KAZN: variants seen among roughly 807,000 people sequenced by gnomAD.
KAZN encodes the protein kazrin.
Under a neutral mutation model 87.4 loss-of-function variants are expected in KAZN, and 40 were observed. That is an observed-to-expected ratio of 0.46 (90% CI 0.36 to 0.60). The LOEUF (loss-of-function observed/expected upper bound fraction) is 0.60, where lower values mean the gene tolerates loss of function less well. KAZN is among the 20% of genes least tolerant of loss of function. The pLI is 0.00. For synonymous variants in KAZN, 466 were observed against 458.3 expected (o/e 1.02, Z -0.22); for missense variants, 898 against 1,073.9 (o/e 0.84, Z 2.29).
At chr1:14,893,975 G>T (rs1417851880) in intron 1 of KAZN, among the ~76,000 whole-genome samples, 1 of 152,126 alleles carries the variant, frequency 6.6e-6, no homozygotes, top group African/African-American at 2.4e-5. Flanking sequence ...ACAAAGGGAG[G>T]TGCTAGTTGA....
intron 2 of KAZN, among the ~76,000 whole-genome samples, chr1:14,322,140 C>T (rs995360717): frequency 9.9e-5 from 15 of 151,978 alleles, no homozygotes; most frequent in African/African-American, 3.6e-4. Context: ...GTCTAAAAAC[C>T]AATTAGAAGA....
At chr1:14,498,783 C>T (rs1342134719) in intron 2 of KAZN, among the ~76,000 whole-genome samples, 2 of 151,804 alleles carry the variant, frequency 1.3e-5, no homozygotes, top group Non-Finnish European at 2.9e-5. Flanking sequence ...TCTCCTGGGT[C>T]CCTCCCTCCA....
chr1:13,916,798 T>G (rs964507433), intron 1 of KAZN, among the ~76,000 whole-genome samples: 1 of 151,926 alleles, frequency 6.6e-6, no homozygotes, highest in Non-Finnish European at 1.5e-5. Context: ...ACAGGAAGCC[T>G]CCTGTGGCTG....
intron 8 of KAZN, among the ~76,000 whole-genome samples, chr1:15,086,002 G>C (rs1640234198): frequency 6.6e-6 from 1 of 152,038 alleles, no homozygotes; most frequent in Non-Finnish European, 1.5e-5. Flanking sequence ...ACAGAGTTTT[G>C]CTCTGTTGCC....
At chr1:14,767,747 G>A (rs1258099977) in intron 1 of KAZN, among the ~76,000 whole-genome samples, 1 of 152,196 alleles carries the variant, frequency 6.6e-6, no homozygotes, top group Non-Finnish European at 1.5e-5. Context: ...CTGCAGCCAT[G>A]GGAGGGCTCA....
chr1:14,829,517 C>T (rs1162582463), intron 1 of KAZN, among the ~76,000 whole-genome samples: 2 of 152,100 alleles, frequency 1.3e-5, no homozygotes, highest in African/African-American at 4.8e-5. Context: ...CTGCAGTGAG[C>T]TATGATTGTG....
chr1:15,100,095 T>C (rs11580483), intron 10 of KAZN, among the ~76,000 whole-genome samples: 4,881 of 152,080 alleles, frequency 0.032, 257 homozygotes, highest in African/African-American at 0.11. Flanking sequence ...GCTCAGAGCT[T>C]AGCTGCTCAG....
At chr1:14,550,590 G>T (rs1414312122) in intron 2 of KAZN, among the ~76,000 whole-genome samples, 1 of 151,920 alleles carries the variant, frequency 6.6e-6, no homozygotes, top group Admixed American at 6.6e-5. Flanking sequence ...TACTCTTCCT[G>T]CTCAAAGGAG....
intron 1 of KAZN, among the ~76,000 whole-genome samples, chr1:14,929,260 C>A (rs763311469): frequency 5.9e-5 from 9 of 152,160 alleles, no homozygotes; most frequent in Non-Finnish European, 1.0e-4. Context: ...AATACATTTT[C>A]TTTTATTTTT....
intron 2 of KAZN, among the ~76,000 whole-genome samples, chr1:14,506,904 G>A (rs961457131): frequency 6.6e-6 from 1 of 152,330 alleles, no homozygotes; most frequent in East Asian, 1.9e-4. Context: ...AAAGGAGGCT[G>A]TCTGTATTGG....
rs544964518 is a variant in KAZN, at chr1:14,562,844, C to T, written c.250-36139C>T. Among the ~76,000 whole-genome samples the T allele has an allele frequency of 2.0e-5, 3 of 152,302 alleles. No individual in the cohort carries two copies. In the East Asian group the frequency reaches 5.8e-4, roughly 29 times the overall value. On this transcript the variant is annotated intron_variant, in intron 2 of 16. Transcript: ENST00000636203. ...CACATGGCAGTGCCTTCCAGAGATT[C>T]CCGTGGAAAGCAGGAGAAGGCTGTT...
intron 1 of KAZN, among the ~76,000 whole-genome samples, chr1:14,652,200 T>C (rs747696521): frequency 8.5e-5 from 13 of 152,202 alleles, no homozygotes; most frequent in Admixed American, 5.2e-4. Flanking sequence ...CATGTAATTT[T>C]GATCCTGTTA....
At chr1:14,332,528 A>G (rs1656923734) in intron 2 of KAZN, among the ~76,000 whole-genome samples, 1 of 152,042 alleles carries the variant, frequency 6.6e-6, no homozygotes, top group Non-Finnish European at 1.5e-5. Flanking sequence ...GCTACTCACC[A>G]TTCTCATCTA....
chr1:14,702,436 G>A (rs951706137), intron 1 of KAZN, among the ~76,000 whole-genome samples: 6 of 148,210 alleles, frequency 4.0e-5, no homozygotes, highest in African/African-American at 1.2e-4. Context: ...TTAGCAATTC[G>A]CAAAAAGGTT....
chr1:14,338,315 G>GAA (rs35218193), intron 2 of KAZN, among the ~76,000 whole-genome samples: 25 of 149,986 alleles, frequency 1.7e-4, no homozygotes, highest in East Asian at 1.0e-3. Context: ...CTCCACTAAA[G>GAA]AAAAAAAAAT....
chr1:15,063,782 CGG>C (rs1639002371), intron 7 of KAZN, among the ~76,000 whole-genome samples, 160 bp downstream of exon 7: 1 of 146,646 alleles, frequency 6.8e-6, no homozygotes, highest in African/African-American at 2.7e-5. Context: ...ACACCCAAGG[CGG>C]AGAGGATTTA....
At chr1:14,823,942 C>T (rs551668806) in intron 1 of KAZN, among the ~76,000 whole-genome samples, 169 of 152,094 alleles carry the variant, frequency 1.1e-3, no homozygotes, top group African/African-American at 3.9e-3. Context: ...GGTGAAACCC[C>T]GTCTCTACTA....
intron 2 of KAZN, among the ~76,000 whole-genome samples, chr1:14,518,084 C>A (rs1299309889): frequency 6.6e-6 from 1 of 152,050 alleles, no homozygotes; most frequent in East Asian, 1.9e-4. Flanking sequence ...CTTGAACAAG[C>A]CACTTATTTG....
chr1:14,407,944 T>C (rs1271071434), intron 2 of KAZN, among the ~76,000 whole-genome samples: 1 of 152,234 alleles, frequency 6.6e-6, no homozygotes, highest in Non-Finnish European at 1.5e-5. Flanking sequence ...GCAGGTTCTT[T>C]ATGCTACTTT....
Sources: gnomAD v4.1 joint callset for allele counts (sites outside exome capture counted in the v4.1 genomes callset) on GRCh38, gnomAD v4.1.1 for gene constraint, MANE v1.5 for transcripts, NCBI Gene and HGNC (gene_info 2026-07-23, HGNC 2026-07-21) for gene names.